GFRA1: variants seen among roughly 807,000 people sequenced by gnomAD.
GFRA1 encodes GDNF family receptor alpha 1, also known as GDNF family receptor alpha-1.
A neutral mutation model predicts 51.6 loss-of-function variants in GFRA1; 16 were observed. That is an observed-to-expected ratio of 0.31 (90% CI 0.21 to 0.47). GFRA1 has a LOEUF of 0.47. Ranked by LOEUF, GFRA1 falls within the 20% of genes least tolerant of loss-of-function variation. GFRA1 has a pLI of 1.00. For missense variants in GFRA1, 530 were observed against 594.3 expected (o/e 0.89, Z 1.13); for synonymous variants, 270 against 241.3 (o/e 1.12, Z -1.10).
intron 4 of GFRA1, among the ~76,000 whole-genome samples, chr10:116,258,455 T>C (rs1182619999): frequency 6.8e-6 from 1 of 148,112 alleles, no homozygotes; most frequent in Non-Finnish European, 1.5e-5. Flanking sequence ...TAATATATAA[T>C]GTATATATGT....
In GFRA1 at chr10:116,096,776, A is replaced by T. The variant is rs749643050; in HGVS notation, c.771-12T>A. 2.0e-5 allele frequency: 29 copies of T among 1,444,788 alleles called. No individual in the cohort carries two copies. The East Asian group carries it at 6.6e-4, about 33-fold the overall frequency. The allele number at this position is 1,444,788 out of a possible 1,614,324, so 89.5% of individuals were successfully genotyped here. ...CCGCAAGGCGAGATCTACAATAGGA[A>T]AAAAGGGGTGGGGGGTGGAAATGTG... is the stretch of plus-strand genomic sequence containing the variant. On this transcript the variant is annotated splice_polypyrimidine_tract_variant and intron_variant, in intron 6 of 10. Coordinates refer to ENST00000355422, the MANE Select transcript of GFRA1 (RefSeq NM_005264.8).
rs545122618 is a variant in GFRA1, at chr10:116,130,051, A to G, written c.434-4494T>C. 2.8e-3 allele frequency among the ~76,000 whole-genome samples: 428 copies of G among 151,604 alleles called. 7 individuals carry two copies. Among genetic ancestry groups the G allele is most frequent in the Non-Finnish European group, 4.7e-4 (32 of 67,820 alleles). ...AAAAAATTAGAAAATGAAATTTTGA[A>G]AAATAATTTTATTTACAGCACGATC... On this transcript the variant is annotated intron_variant, in intron 5 of 10. Coordinates refer to ENST00000355422, the MANE Select transcript of GFRA1 (RefSeq NM_005264.8).
At chr10:116,226,723 AT>A in intron 4 of GFRA1, 1 of 345,120 alleles carries the variant, frequency 2.9e-6, no homozygotes, top group Non-Finnish European at 5.8e-6. Context: ...TAATGAAATA[AT>A]TATACAACTC....
At chr10:116,083,035 T>C (rs1040035618) in intron 9 of GFRA1, among the ~76,000 whole-genome samples, 1 of 152,160 alleles carries the variant, frequency 6.6e-6, no homozygotes, top group Non-Finnish European at 1.5e-5. Flanking sequence ...AAGAGCTCAG[T>C]GGTGTTTTAC....
intron 9 of GFRA1, among the ~76,000 whole-genome samples, chr10:116,086,892 A>G (rs1471735608): frequency 6.6e-6 from 1 of 152,178 alleles, no homozygotes; most frequent in African/African-American, 2.4e-5. Flanking sequence ...ATCACGGCTC[A>G]CTGCAACCTC....
At chr10:116,242,816 A>T (rs1967515724) in intron 4 of GFRA1, among the ~76,000 whole-genome samples, 5 of 152,288 alleles carry the variant, frequency 3.3e-5, no homozygotes, top group Non-Finnish European at 7.3e-5. Flanking sequence ...TCCTTACCCA[A>T]ATTGGCCCCT....
At chr10:116,156,433 C>T (rs1228715471) in intron 5 of GFRA1, among the ~76,000 whole-genome samples, 2 of 144,478 alleles carry the variant, frequency 1.4e-5, no homozygotes, top group Non-Finnish European at 3.0e-5. Flanking sequence ...CTTTCACATA[C>T]CCCAAACAGT....
At chr10:116,085,691 C>A (rs1040910320) in intron 9 of GFRA1, among the ~76,000 whole-genome samples, 6 of 152,026 alleles carry the variant, frequency 3.9e-5, no homozygotes, top group Non-Finnish European at 7.4e-5. Context: ...CTCTCTCATC[C>A]CCCCCATCCT....
At chr10:116,173,090 T>C (rs947155937) in intron 5 of GFRA1, among the ~76,000 whole-genome samples, 2 of 152,236 alleles carry the variant, frequency 1.3e-5, no homozygotes, top group Non-Finnish European at 2.9e-5. Context: ...ATGTGCCTGG[T>C]ATTGAAAGCA....
Position 116,113,398 on chromosome 10 carries a change from G to A in GFRA1, c.770+11823C>T, listed in dbSNP as rs571685229. Among the ~76,000 whole-genome samples, 24 of 152,222 alleles carry A rather than the reference G, an allele frequency of 1.6e-4. No individual in the cohort carries two copies. In the East Asian group the frequency reaches 3.7e-3, roughly 23 times the overall value. On this transcript the variant is annotated intron_variant, in intron 6 of 10. Transcript: ENST00000355422. ...CTCAGTAATTTTCTAAGAGCATAAAGGAGTCCAGAAACCAAAAAGTTTGAA... is the reference window on the plus strand; with the variant it reads ...CTCAGTAATTTTCTAAGAGCATAAAAGAGTCCAGAAACCAAAAAGTTTGAA...
rs779633820 is a variant in GFRA1 at position 116,066,022 on chromosome 10, T to TA, written c.1198-397dup. ...GGTTACTAAAGAAAACGTTTTGAAG[T>TA]AATCCCTCATTTCTTAAAGTTAATT... On this transcript the variant is annotated intron_variant, in intron 9 of 10. Coordinates refer to ENST00000355422, the MANE Select transcript of GFRA1 (RefSeq NM_005264.8). 5.9e-5 allele frequency among the ~76,000 whole-genome samples: 9 copies of TA among 152,304 alleles called. No homozygotes were observed. In the East Asian group the frequency reaches 7.7e-4, roughly 13 times the overall value.
chr10:116,110,735 C>T (rs1229995185), intron 6 of GFRA1, among the ~76,000 whole-genome samples: 1 of 152,194 alleles, frequency 6.6e-6, no homozygotes, highest in African/African-American at 2.4e-5. Flanking sequence ...GATCACTAAG[C>T]ACCCACAATG....
chr10:116,177,682 T>C (rs1159805642), intron 5 of GFRA1, among the ~76,000 whole-genome samples: 1 of 151,920 alleles, frequency 6.6e-6, no homozygotes, highest in Non-Finnish European at 1.5e-5. Context: ...GCTGGGAAAA[T>C]GAAACACATG....
chr10:116,199,218 T>C (rs1964140671), intron 5 of GFRA1, among the ~76,000 whole-genome samples: 1 of 152,220 alleles, frequency 6.6e-6, no homozygotes, highest in African/African-American at 2.4e-5. Context: ...GCATCCTAAG[T>C]AACTGCAGCA....
chr10:116,180,240 T>G (rs1373107452), intron 5 of GFRA1, among the ~76,000 whole-genome samples: 1 of 152,222 alleles, frequency 6.6e-6, no homozygotes, highest in East Asian at 1.9e-4. Context: ...ATTTACAATA[T>G]TGTAATAAGA....
At chr10:116,220,237 T>C (rs1007840884) in intron 4 of GFRA1, among the ~76,000 whole-genome samples, 2 of 152,228 alleles carry the variant, frequency 1.3e-5, no homozygotes, top group Non-Finnish European at 2.9e-5. Context: ...TTATAAGCCA[T>C]CTGAAATCTT....
In GFRA1 at chr10:116,066,860, G is replaced by A. The variant is rs539121120; in HGVS notation, c.1198-1234C>T. ...TTACACTTGAATCAAGGAGGACCTG[G>A]GCAACCCAGCTCTGTGTGGATGGCA... On this transcript the variant is annotated intron_variant, in intron 9 of 10. Coordinates refer to ENST00000355422, the MANE Select transcript of GFRA1 (RefSeq NM_005264.8). Among the ~76,000 whole-genome samples the A allele has an allele frequency of 1.9e-4, 29 of 152,288 alleles. No individual in the cohort carries two copies. In the South Asian group the frequency reaches 5.8e-3, roughly 30 times the overall value.
intron 5 of GFRA1, among the ~76,000 whole-genome samples, chr10:116,203,312 C>T (rs1176325242): frequency 1.3e-5 from 2 of 152,212 alleles, no homozygotes; most frequent in Non-Finnish European, 2.9e-5. Flanking sequence ...ACTCCAAAAA[C>T]AATGCGAGTG....
chr10:116,217,936 T>C (rs1192254113), intron 4 of GFRA1, among the ~76,000 whole-genome samples: 1 of 152,206 alleles, frequency 6.6e-6, no homozygotes, highest in Non-Finnish European at 1.5e-5. Flanking sequence ...GCGACTTGCA[T>C]AGGACTGTAA....
Sources: gnomAD v4.1 joint callset for allele counts (sites outside exome capture counted in the v4.1 genomes callset) on GRCh38, gnomAD v4.1.1 for gene constraint, MANE v1.5 for transcripts, NCBI Gene and HGNC (gene_info 2026-07-23, HGNC 2026-07-21) for gene names.